GUCY1A2: variants seen among roughly 807,000 people sequenced by gnomAD.
The protein encoded by GUCY1A2 is guanylate cyclase 1 soluble subunit alpha 2.
GUCY1A2 carries 27 observed loss-of-function variants against 63.5 expected under a neutral mutation model. The ratio of observed to expected loss-of-function variants is 0.43; its 90% CI spans 0.31 to 0.59. The LOEUF is 0.59. Ranked by LOEUF, GUCY1A2 falls within the 20% of genes least tolerant of loss-of-function variation. GUCY1A2 has a pLI of 0.11. For synonymous variants in GUCY1A2, 364 were observed against 343.5 expected, an observed-to-expected ratio of 1.06 and a Z score of -0.66; for missense variants, 768 against 913.3, an observed-to-expected ratio of 0.84 and a Z score of 2.05.
At chr11:106,762,104 A>AAGTT (rs1166093649) in intron 6 of GUCY1A2, among the ~76,000 whole-genome samples, 2 of 152,116 alleles carry the variant, frequency 1.3e-5, no homozygotes, top group African/African-American at 4.8e-5. Context: ...AGCATGGGAT[A>AAGTT]AGTTTAGTAT....
chr11:107,009,221 A>G (rs1341391092), intron 1 of GUCY1A2, among the ~76,000 whole-genome samples: 1 of 152,140 alleles, frequency 6.6e-6, no homozygotes, highest in Non-Finnish European at 1.5e-5. Flanking sequence ...AAGGTTTGAG[A>G]GGTGGCCCTA....
chr11:106,831,476 A>G (rs1156842820), intron 4 of GUCY1A2, among the ~76,000 whole-genome samples: 5 of 152,332 alleles, frequency 3.3e-5, no homozygotes, highest in Non-Finnish European at 7.3e-5. Flanking sequence ...TTGCATACTT[A>G]GAGCACTGAA....
chr11:106,915,841 A>T lies in GUCY1A2; in HGVS notation c.1206+23619T>A, dbSNP rs1051993260. Among the ~76,000 whole-genome samples the T allele has an allele frequency of 2.8e-5, 4 of 145,348 alleles. 1 individual carries two copies. Among genetic ancestry groups the T allele is most frequent in the African/African-American group, 7.3e-5 (3 of 40,914 alleles). On this transcript the variant is annotated intron_variant, in intron 4 of 7. Coordinates refer to ENST00000526355, the MANE Select transcript of GUCY1A2 (RefSeq NM_000855.3). ...AAGGCATTTGAGCATTACAAGCTGA[A>T]ACCCCTTAAGCCACTTTGGATTTAA...
chr11:106,878,081 A>G (rs991390683), intron 4 of GUCY1A2, among the ~76,000 whole-genome samples: 1 of 152,168 alleles, frequency 6.6e-6, no homozygotes, highest in Middle Eastern at 3.2e-3. Flanking sequence ...ACAATGAAAT[A>G]TCATCTCACA....
chr11:106,977,431 T>C (rs1861276963), intron 3 of GUCY1A2, among the ~76,000 whole-genome samples: 1 of 152,214 alleles, frequency 6.6e-6, no homozygotes, highest in Non-Finnish European at 1.5e-5. Flanking sequence ...TACCCATCAC[T>C]GTCCTGCATG....
chr11:106,892,938 A>G (rs1308749188), intron 4 of GUCY1A2, among the ~76,000 whole-genome samples: 3 of 152,140 alleles, frequency 2.0e-5, no homozygotes, highest in African/African-American at 7.2e-5. Flanking sequence ...TATTTAGTTC[A>G]CCAGTCCATT....
chr11:106,831,997 A>G (rs530321804), intron 4 of GUCY1A2, among the ~76,000 whole-genome samples: 30 of 152,262 alleles, frequency 2.0e-4, no homozygotes, highest in African/African-American at 6.7e-4. Context: ...ATTTTAATTA[A>G]TATACTTCCC....
intron 6 of GUCY1A2, among the ~76,000 whole-genome samples, chr11:106,749,228 G>C (rs905957422): frequency 6.6e-6 from 1 of 151,952 alleles, no homozygotes; most frequent in African/African-American, 2.4e-5. Context: ...TGTGACATTT[G>C]CATAATGATG....
At chr11:106,764,979 G>GGA (rs57851237) in intron 6 of GUCY1A2, among the ~76,000 whole-genome samples, 1 of 81,468 alleles carries the variant, frequency 1.2e-5, no homozygotes. Flanking sequence ...TTGGGGGGGG[G>GGA]TTGGGGGGCA....
At chr11:106,704,798 T>A (rs557352129) in intron 7 of GUCY1A2, among the ~76,000 whole-genome samples, 2 of 151,910 alleles carry the variant, frequency 1.3e-5, no homozygotes, top group East Asian at 1.9e-4. Context: ...GTTTTATAGA[T>A]CAGCAGCATG....
intron 4 of GUCY1A2, among the ~76,000 whole-genome samples, chr11:106,891,431 T>C (rs1196480085): frequency 1.3e-5 from 2 of 152,178 alleles, no homozygotes; most frequent in Non-Finnish European, 1.5e-5. Flanking sequence ...ATGAAGAAAA[T>C]ATTTAATTTT....
rs372690754 is a variant in GUCY1A2, at chr11:106,731,359, C to T, written c.1837-22693G>A. 1.2e-4 allele frequency among the ~76,000 whole-genome samples: 19 copies of T among 152,112 alleles called. No individual in the cohort carries two copies. In the East Asian group the frequency reaches 2.5e-3, roughly 20 times the overall value. On this transcript the variant is annotated intron_variant, in intron 6 of 7. Coordinates refer to ENST00000526355, the MANE Select transcript of GUCY1A2 (RefSeq NM_000855.3). Reference sequence around the variant, plus strand: ...CATCCTTTCATGTTAAAAACCTCAACAAGCTAGGCATTGAATGAACATATT... The same window carrying T: ...CATCCTTTCATGTTAAAAACCTCAATAAGCTAGGCATTGAATGAACATATT...
intron 4 of GUCY1A2, among the ~76,000 whole-genome samples, chr11:106,872,480 G>A (rs979693477): frequency 1.6e-4 from 25 of 152,040 alleles, no homozygotes; most frequent in African/African-American, 4.8e-4. Flanking sequence ...TTGAATGACT[G>A]GAACTTTAAT....
intron 1 of GUCY1A2, among the ~76,000 whole-genome samples, chr11:107,002,279 T>C (rs758372763): frequency 6.6e-6 from 1 of 151,984 alleles, no homozygotes; most frequent in Admixed American, 6.6e-5. Context: ...TGGCTCCTAA[T>C]ACCTCGAGAG....
At chr11:106,888,970 G>C (rs1439268358) in intron 4 of GUCY1A2, among the ~76,000 whole-genome samples, 1 of 152,012 alleles carries the variant, frequency 6.6e-6, no homozygotes, top group Non-Finnish European at 1.5e-5. Context: ...CAACTTAGAA[G>C]GTTATAGGTT....
chr11:107,013,962 ATAC>A (rs917097789), intron 1 of GUCY1A2, among the ~76,000 whole-genome samples: 105 of 151,524 alleles, frequency 6.9e-4, no homozygotes, highest in African/African-American at 2.4e-3. Flanking sequence ...TGCCACATAG[ATAC>A]TACAATATTT....
intron 2 of GUCY1A2, among the ~76,000 whole-genome samples, chr11:106,979,473 A>AAAAAAAAG (rs911419925): frequency 1.3e-5 from 2 of 150,116 alleles, no homozygotes; most frequent in African/African-American, 5.0e-5. Flanking sequence ...AAAAAAAAAA[A>AAAAAAAAG]AAGAAGAAGA....
intron 5 of GUCY1A2, among the ~76,000 whole-genome samples, chr11:106,778,804 C>A (rs1864407707): frequency 6.6e-6 from 1 of 151,972 alleles, no homozygotes; most frequent in South Asian, 2.1e-4. Context: ...ACCATGCTAA[C>A]CATAATCACA....
In GUCY1A2 at chr11:106,723,020, G is replaced by A. The variant is rs1591248043; in HGVS notation, c.1837-14354C>T. Among the ~76,000 whole-genome samples, 6 of 152,204 alleles carry A rather than the reference G, an allele frequency of 3.9e-5. No homozygotes were observed. In the South Asian group the frequency reaches 1.2e-3, roughly 32 times the overall value. ...TGTTTATATATGTGTAATTTTATAG[G>A]ACTATTAAAATAGTTATTTTGATAT... On this transcript the variant is annotated intron_variant, in intron 6 of 7. Coordinates refer to ENST00000526355, the MANE Select transcript of GUCY1A2 (RefSeq NM_000855.3).
Sources: allele counts gnomAD v4.1 joint callset (sites outside exome capture counted in the v4.1 genomes callset), GRCh38; gene constraint gnomAD v4.1.1; transcripts MANE v1.5; gene names NCBI Gene and HGNC (gene_info 2026-07-23, HGNC 2026-07-21).